Variants in DPP10 observed in about 807,000 individuals in gnomAD.
DPP10 encodes dipeptidyl peptidase like 10, also known as inactive dipeptidyl peptidase 10.
Under a neutral mutation model 120.9 loss-of-function variants are expected in DPP10, and 33 were observed. The observed-to-expected ratio is 0.27, with a 90% CI of 0.21 to 0.37. The LOEUF (loss-of-function observed/expected upper bound fraction) is 0.37, where lower values mean the gene tolerates loss of function less well. Ranked by LOEUF, DPP10 falls within the 10% of genes least tolerant of loss-of-function variation. The pLI is 1.00. For missense variants in DPP10, 816 were observed against 942.8 expected (o/e 0.87, Z 1.76); for synonymous variants, 337 against 326.1 (o/e 1.03, Z -0.36).
At chr2:115,246,522 C>T (rs1055856765) in intron 1 of DPP10, among the ~76,000 whole-genome samples, 9 of 152,074 alleles carry the variant, frequency 5.9e-5, no homozygotes, top group East Asian at 3.9e-4. Flanking sequence ...ATGTATGGGC[C>T]GTAAGTGGCC....
At chr2:115,479,821 T>C (rs1489324670) in intron 3 of DPP10, among the ~76,000 whole-genome samples, 2 of 152,104 alleles carry the variant, frequency 1.3e-5, no homozygotes, top group African/African-American at 2.4e-5. Flanking sequence ...AGCTCCACTT[T>C]TAGCCATATG....
intron 1 of DPP10, among the ~76,000 whole-genome samples, chr2:115,166,753 A>G (rs1260634047): frequency 6.6e-6 from 1 of 151,926 alleles, no homozygotes; most frequent in Admixed American, 6.6e-5. Flanking sequence ...TTAAATATCA[A>G]TGCTGCATTA....
At chr2:114,992,541 A>G (rs545361763) in intron 1 of DPP10, among the ~76,000 whole-genome samples, 24 of 152,292 alleles carry the variant, frequency 1.6e-4, no homozygotes, top group Admixed American at 5.9e-4. Flanking sequence ...ATGTTAACTG[A>G]AATTAGTTTC....
At chr2:114,640,427 CT>C (rs1277461138) in intron 1 of DPP10, among the ~76,000 whole-genome samples, 1 of 151,882 alleles carries the variant, frequency 6.6e-6, no homozygotes, top group Non-Finnish European at 1.5e-5. Flanking sequence ...CTCTAAATAT[CT>C]ACTTGTATAG....
At chr2:115,707,837 C>T (rs1240886903) in intron 7 of DPP10, among the ~76,000 whole-genome samples, 2 of 151,528 alleles carry the variant, frequency 1.3e-5, no homozygotes, top group African/African-American at 2.4e-5. Context: ...AAACATTCCC[C>T]CAAAACAAAA....
At chr2:115,513,541 G>A (rs928188438) in intron 4 of DPP10, among the ~76,000 whole-genome samples, 1 of 150,676 alleles carries the variant, frequency 6.6e-6, no homozygotes, top group Non-Finnish European at 1.5e-5. Context: ...ACTATTTTTT[G>A]TGTTATTTAT....
intron 1 of DPP10, chr2:115,234,733 A>T (rs1211016060): frequency 6.6e-6 from 1 of 152,222 alleles, no homozygotes; most frequent in Non-Finnish European, 1.5e-5. Context: ...CTGTTCTGAA[A>T]TATATAATTC....
chr2:115,018,101 GA>G (rs1381968461), intron 1 of DPP10, among the ~76,000 whole-genome samples: 1 of 151,694 alleles, frequency 6.6e-6, no homozygotes, highest in African/African-American at 2.4e-5. Flanking sequence ...CAACAAACAT[GA>G]AAAAAAGCTC....
rs749341941 is a variant in DPP10, at chr2:115,727,944, G to A, written c.697+8G>A. On this transcript the variant is annotated splice_region_variant and intron_variant, in intron 8 of 25. Coordinates refer to ENST00000410059, the MANE Select transcript of DPP10 (RefSeq NM_020868.6). The stretch of plus-strand genomic sequence containing the variant: ...CTGACTGGTTATATGAAGGTGAGTT[G>A]ATCAGATTTAGTTTCAAAGGAAACA... 9.4e-6 allele frequency: 15 copies of A among 1,591,548 alleles called. No homozygotes were observed. The highest frequency in any genetic ancestry group is 3.7e-5 in the Admixed American group (2 of 54,172).
chr2:115,163,177 T>G (rs2052565427), intron 1 of DPP10, among the ~76,000 whole-genome samples: 1 of 152,316 alleles, frequency 6.6e-6, no homozygotes, highest in East Asian at 1.9e-4. Context: ...CAGCAGCGAC[T>G]CGGCTTTTCG....
chr2:114,474,865 G>A (rs142390370), intron 1 of DPP10, among the ~76,000 whole-genome samples: 99 of 152,300 alleles, frequency 6.5e-4, no homozygotes, highest in Middle Eastern at 3.4e-3. Flanking sequence ...TTCCAGAAGG[G>A]CTGCAAACCC....
chr2:114,462,661 GC>G (rs1679025787), intron 1 of DPP10, among the ~76,000 whole-genome samples: 1 of 152,038 alleles, frequency 6.6e-6, no homozygotes, highest in African/African-American at 2.4e-5. Context: ...AGCTCACTTG[GC>G]TAAGACAGTG....
chr2:115,842,611 T>C lies in DPP10; in HGVS notation c.*266T>C. 3.6e-6 allele frequency: 1 copy of C among 279,796 alleles called. No homozygotes were observed. Among genetic ancestry groups the C allele is most frequent in the Non-Finnish European group, 6.7e-6 (1 of 148,546 alleles). The allele number at this position is 279,796 out of a possible 1,614,324, so 17.3% of individuals were successfully genotyped here. A position where few individuals can be genotyped will look rare whatever the true frequency, so the allele number is the denominator to read the frequency against. On this transcript the variant is annotated 3_prime_UTR_variant, in exon 26 of 26. Transcript: ENST00000410059. Reference sequence around the variant, plus strand: ...AATTAGTTTTGCATTAAAGTAGGAGTAGTGCATGTTTTCTTCTGTTATCCC... The same window carrying C: ...AATTAGTTTTGCATTAAAGTAGGAGCAGTGCATGTTTTCTTCTGTTATCCC...
At chr2:115,066,811 A>T (rs1173636734) in intron 1 of DPP10, 1 of 152,174 alleles carries the variant, frequency 6.6e-6, no homozygotes, top group Non-Finnish European at 1.5e-5. Flanking sequence ...AAAAATGTCT[A>T]TATTTTCAGC....
chr2:115,472,326 T>C (rs1420617101), intron 3 of DPP10, among the ~76,000 whole-genome samples: 1 of 152,180 alleles, frequency 6.6e-6, no homozygotes, highest in Non-Finnish European at 1.5e-5. Flanking sequence ...GACAGGACTG[T>C]CCATTAGAAG....
intron 1 of DPP10, among the ~76,000 whole-genome samples, chr2:115,183,597 A>T (rs1473560136): frequency 6.6e-6 from 1 of 152,226 alleles, no homozygotes; most frequent in Non-Finnish European, 1.5e-5. Flanking sequence ...TTTGAAATTT[A>T]GGAGAGGGTT....
intron 1 of DPP10, among the ~76,000 whole-genome samples, chr2:115,214,994 G>A (rs983774943): frequency 1.3e-5 from 2 of 152,122 alleles, no homozygotes; most frequent in Non-Finnish European, 2.9e-5. Flanking sequence ...GACACAAATT[G>A]GGAAATACAG....
intron 1 of DPP10, among the ~76,000 whole-genome samples, chr2:114,813,867 A>G (rs1336537976): frequency 1.3e-5 from 2 of 151,652 alleles, no homozygotes; most frequent in African/African-American, 4.8e-5. Context: ...TTCCCTAGTA[A>G]CAATAGCTGG....
intron 1 of DPP10, among the ~76,000 whole-genome samples, chr2:114,701,301 T>C (rs970792095): frequency 4.6e-5 from 7 of 152,062 alleles, no homozygotes; most frequent in Admixed American, 3.3e-4. Flanking sequence ...CCATTATTAT[T>C]GGTCCCATTT....
Sources: allele counts gnomAD v4.1 joint callset (sites outside exome capture counted in the v4.1 genomes callset), GRCh38; gene constraint gnomAD v4.1.1; transcripts MANE v1.5; gene names NCBI Gene and HGNC (gene_info 2026-07-23, HGNC 2026-07-21).